The following CSMD1 variants were observed in gnomAD, a reference collection of about 807,000 sequenced individuals.
The protein encoded by CSMD1 is CUB and sushi domain-containing protein 1.
A neutral mutation model predicts 417.5 loss-of-function variants in CSMD1; 213 were observed. That is an observed-to-expected ratio of 0.51 (90% confidence interval 0.46 to 0.57). The LOEUF is 0.57. Among genes scored for constraint, CSMD1 ranks in the 20% least tolerant of loss-of-function variants. The pLI, the probability that CSMD1 is intolerant of heterozygous loss-of-function variation, is 0.00. For synonymous variants in CSMD1, 2,862 were observed against 1,736.8 expected (o/e 1.65, Z -16.11); for missense variants, 6,923 against 4,529.7 (o/e 1.53, Z -15.17).
At chr8:3,305,878 C>A (rs997217977) in intron 25 of CSMD1, among the ~76,000 whole-genome samples, 1 of 152,046 alleles carries the variant, frequency 6.6e-6, no homozygotes, top group Non-Finnish European at 1.5e-5. Flanking sequence ...GAAGGGGTTT[C>A]ACCATGTTAG....
chr8:2,967,737 A>T (rs1349223088), intron 57 of CSMD1, among the ~76,000 whole-genome samples: 1 of 152,220 alleles, frequency 6.6e-6, no homozygotes, highest in Non-Finnish European at 1.5e-5. Context: ...AACAATTTCA[A>T]ATCTGGCCTG....
intron 1 of CSMD1, among the ~76,000 whole-genome samples, chr8:4,881,884 G>C (rs1470398123): frequency 6.6e-6 from 1 of 151,922 alleles, no homozygotes; most frequent in African/African-American, 2.4e-5. Context: ...ACTTTTATGA[G>C]GCAGGGGAAA....
At chr8:3,581,847 C>G (rs1800396197) in intron 9 of CSMD1, among the ~76,000 whole-genome samples, 2 of 152,082 alleles carry the variant, frequency 1.3e-5, no homozygotes, top group Admixed American at 6.6e-5. Context: ...TCTTGTCACC[C>G]AGGCTGGAGT....
chr8:4,636,918 G>A lies in CSMD1; in HGVS notation c.302+424C>T, dbSNP rs887093876. On this transcript the variant is annotated intron_variant, in intron 2 of 69. Coordinates refer to ENST00000635120, the MANE Select transcript of CSMD1 (RefSeq NM_033225.6). ...CACTCTGTAAAACACACCAATCAGC[G>A]CTCTGTAAAATGCACCAATCAGCGC... Among the ~76,000 whole-genome samples the A allele has an allele frequency of 6.6e-5, 10 of 151,816 alleles. No individual in the cohort carries two copies. In the East Asian group the frequency reaches 7.7e-4, roughly 12 times the overall value.
intron 7 of CSMD1, among the ~76,000 whole-genome samples, chr8:3,675,825 T>C (rs567263328): frequency 6.6e-6 from 1 of 152,330 alleles, no homozygotes; most frequent in East Asian, 1.9e-4. Flanking sequence ...CAGAGTTGAC[T>C]AAGCTGGTGG....
intron 41 of CSMD1, among the ~76,000 whole-genome samples, chr8:3,120,156 A>T (rs1817114719): frequency 6.6e-6 from 1 of 152,110 alleles, no homozygotes; most frequent in South Asian, 2.1e-4. Flanking sequence ...AGGACCTGAG[A>T]AAAAGAGAGG....
At chr8:3,393,351 G>A (rs1811462242) in intron 17 of CSMD1, among the ~76,000 whole-genome samples, 1 of 152,138 alleles carries the variant, frequency 6.6e-6, no homozygotes, top group South Asian at 2.1e-4. Context: ...CCAACAAGGT[G>A]GAAAGAAGAG....
intron 10 of CSMD1, 52 bp from the exon 11 acceptor site, chr8:3,493,778 C>G: frequency 1.4e-6 from 2 of 1,455,928 alleles, no homozygotes; most frequent in South Asian, 2.4e-5. Flanking sequence ...CTTCCCATGA[C>G]TTTTAATAGG....
In CSMD1 at chr8:4,076,948, G is replaced by A. The variant is rs543418868; in HGVS notation, c.416-44849C>T. 4.6e-5 allele frequency among the ~76,000 whole-genome samples: 7 copies of A among 152,068 alleles called. No individual in the cohort carries two copies. The South Asian group carries it at 1.0e-3, about 23-fold the overall frequency. Reference sequence around the variant, plus strand: ...ATATCAGTAAAAAAATCTTACACAAGGATAACACTTTCCTCTGAATTATAT... The same window carrying A: ...ATATCAGTAAAAAAATCTTACACAAAGATAACACTTTCCTCTGAATTATAT... On this transcript the variant is annotated intron_variant, in intron 3 of 69. Coordinates refer to ENST00000635120, the MANE Select transcript of CSMD1 (RefSeq NM_033225.6).
At chr8:4,489,636 C>G (rs954259999) in intron 2 of CSMD1, among the ~76,000 whole-genome samples, 3 of 152,148 alleles carry the variant, frequency 2.0e-5, no homozygotes, top group African/African-American at 7.2e-5. Flanking sequence ...TGCTTCTGGT[C>G]AACAAGGAGC....
intron 2 of CSMD1, among the ~76,000 whole-genome samples, chr8:4,510,032 G>A (rs960448433): frequency 4.6e-5 from 7 of 152,218 alleles, no homozygotes; most frequent in African/African-American, 1.4e-4. Context: ...GGGACCCGGT[G>A]GGAGGTAACT....
At chr8:4,797,882 A>G (rs372987567) in intron 1 of CSMD1, among the ~76,000 whole-genome samples, 6 of 152,350 alleles carry the variant, frequency 3.9e-5, no homozygotes, top group Non-Finnish European at 8.8e-5. Flanking sequence ...TACGAAAATC[A>G]TCTTAAATAC....
intron 1 of CSMD1, among the ~76,000 whole-genome samples, chr8:4,839,275 T>C (rs988543197): frequency 1.3e-5 from 2 of 152,210 alleles, no homozygotes; most frequent in Admixed American, 6.5e-5. Flanking sequence ...TAGTCATTCA[T>C]TCATTCATCT....
In CSMD1 at chr8:2,996,233, A is replaced by G. The variant is rs1228339593; in HGVS notation, c.8377+1778T>C. ...TCCTAACAAAAAAATAACATACTGA[A>G]CATATGACATATTTTACATATTCCA... On this transcript the variant is annotated intron_variant, in intron 54 of 69. Coordinates refer to ENST00000635120, the MANE Select transcript of CSMD1 (RefSeq NM_033225.6). Among the ~76,000 whole-genome samples the G allele has an allele frequency of 3.9e-5, 6 of 152,202 alleles. No homozygotes were observed. The East Asian group carries it at 9.6e-4, about 24-fold the overall frequency.
intron 8 of CSMD1, among the ~76,000 whole-genome samples, chr8:3,594,780 G>A (rs1180900552): frequency 6.6e-6 from 1 of 152,182 alleles, no homozygotes; most frequent in East Asian, 1.9e-4. Flanking sequence ...AGAAGAGGCC[G>A]GTTGGGAAGG....
chr8:3,461,214 A>G (rs1377876925), intron 12 of CSMD1, among the ~76,000 whole-genome samples: 1 of 152,200 alleles, frequency 6.6e-6, no homozygotes, highest in African/African-American at 2.4e-5. Context: ...AATTTAGAAT[A>G]AAGAAGAAGA....
At chr8:3,269,163 T>C (rs969935084) in intron 26 of CSMD1, among the ~76,000 whole-genome samples, 2 of 152,250 alleles carry the variant, frequency 1.3e-5, no homozygotes, top group African/African-American at 4.8e-5. Flanking sequence ...GCATTCTTCG[T>C]ATCTGTGTCA....
rs189896487 is a variant in CSMD1 at position 3,320,313 on chromosome 8, C to G, written c.3632-11810G>C. ...GTCCCGGACTCAGCCCTCACACACC[C>G]TGCCCCTGCCTCGTGCCTCCTTCAC... On this transcript the variant is annotated intron_variant, in intron 23 of 69. Transcript: ENST00000635120. Among the ~76,000 whole-genome samples the G allele has an allele frequency of 1.5e-3, 236 of 152,276 alleles. 1 individual carries two copies. Among genetic ancestry groups the G allele is most frequent in the South Asian group, 4.6e-3 (22 of 4,826 alleles).
At chr8:4,910,140 T>C (rs1015467590) in intron 1 of CSMD1, among the ~76,000 whole-genome samples, 1 of 152,234 alleles carries the variant, frequency 6.6e-6, no homozygotes, top group African/African-American at 2.4e-5. Context: ...TTTAATGTTA[T>C]AATGTTGCAG....
Sources: gnomAD v4.1 joint callset for allele counts (sites outside exome capture counted in the v4.1 genomes callset) on GRCh38, gnomAD v4.1.1 for gene constraint, MANE v1.5 for transcripts, NCBI Gene and HGNC (gene_info 2026-07-23, HGNC 2026-07-21) for gene names.